The following COL24A1 variants were observed in gnomAD, a reference collection of about 807,000 sequenced individuals.
COL24A1 encodes collagen type XXIV alpha 1 chain, also known as collagen alpha-1(XXIV) chain.
In COL24A1, 224 loss-of-function variants were observed where a neutral mutation model predicts 253.9. The observed-to-expected ratio is 0.88, with a 90% CI of 0.79 to 0.99. The LOEUF is 0.99. Among genes scored for constraint, COL24A1 ranks in the 50% least tolerant of loss-of-function variants. COL24A1 has a pLI of 0.00. For missense variants in COL24A1, 2,131 were observed against 2,068.5 expected (o/e 1.03, Z -0.59); for synonymous variants, 685 against 673.7 (o/e 1.02, Z -0.26).
At chr1:85,962,066 G>A (rs1691132887) in intron 23 of COL24A1, among the ~76,000 whole-genome samples, 1 of 152,098 alleles carries the variant, frequency 6.6e-6, no homozygotes, top group South Asian at 2.1e-4. Flanking sequence ...GGTGTACTCT[G>A]TAAAAGGCAG....
chr1:85,810,056 T>C (rs1468514309), intron 47 of COL24A1, among the ~76,000 whole-genome samples: 1 of 131,446 alleles, frequency 7.6e-6, no homozygotes, highest in Non-Finnish European at 1.6e-5. Context: ...CAGCACTTGT[T>C]TTCCAAGAAC....
chr1:86,111,217 G>C (rs7417512), intron 5 of COL24A1, among the ~76,000 whole-genome samples: 63,964 of 146,166 alleles, frequency 0.44, 16,554 homozygotes, highest in Non-Finnish European at 0.57. Flanking sequence ...CTCGGGGTTT[G>C]TGGATACACC....
intron 7 of COL24A1, among the ~76,000 whole-genome samples, chr1:86,072,280 C>A (rs1436811672): frequency 6.6e-6 from 1 of 152,196 alleles, no homozygotes; most frequent in East Asian, 1.9e-4. Flanking sequence ...TTGCTGCCAG[C>A]ACAGCAGTCT....
At chr1:85,927,547 C>A (rs553615434) in intron 24 of COL24A1, among the ~76,000 whole-genome samples, 2,470 of 126,714 alleles carry the variant, frequency 0.019, 80 homozygotes, top group African/African-American at 0.069. Flanking sequence ...GTAAACAAAG[C>A]AGCCAGGAAG....
At chr1:85,756,599 C>A (rs994610492) in intron 55 of COL24A1, among the ~76,000 whole-genome samples, 1 of 152,166 alleles carries the variant, frequency 6.6e-6, no homozygotes, top group Non-Finnish European at 1.5e-5. Flanking sequence ...AAACTGGAAT[C>A]TTGTGCACTG....
At chr1:86,134,391 C>G (rs1380905704) in intron 2 of COL24A1, among the ~76,000 whole-genome samples, 6 of 151,694 alleles carry the variant, frequency 4.0e-5, no homozygotes, top group African/African-American at 1.5e-4. Flanking sequence ...TTTCTGCTAG[C>G]TTTTGAATGT....
chr1:85,925,195 A>T (rs1207837746), intron 24 of COL24A1, among the ~76,000 whole-genome samples: 1 of 152,214 alleles, frequency 6.6e-6, no homozygotes, highest in Non-Finnish European at 1.5e-5. Context: ...ATGGAAGAAC[A>T]TTCCATGCTC....
intron 43 of COL24A1, among the ~76,000 whole-genome samples, chr1:85,827,940 T>C (rs1674614192): frequency 6.6e-6 from 1 of 152,078 alleles, no homozygotes; most frequent in Admixed American, 6.6e-5. Flanking sequence ...GCTGTGATTT[T>C]AGTTATTTCT....
At chr1:85,969,497 C>T (rs1278731638) in intron 22 of COL24A1, among the ~76,000 whole-genome samples, 22 of 147,116 alleles carry the variant, frequency 1.5e-4, no homozygotes, top group Admixed American at 4.2e-4. Flanking sequence ...TCTAGCTACT[C>T]GGGAGGCTGA....
rs573986631 is a variant in COL24A1 at position 86,091,788 on chromosome 1, T to TA, written c.1653+478dup. On this transcript the variant is annotated intron_variant, in intron 6 of 59. Transcript: ENST00000370571. ...TTTACTGTCCATGTGATAAGTCAGT[T>TA]AAAATCTATGAATTCTGTTTTCTCA... 1.9e-4 allele frequency among the ~76,000 whole-genome samples: 29 copies of TA among 152,256 alleles called. No individual in the cohort carries two copies. The East Asian group carries it at 5.4e-3, about 28-fold the overall frequency.
chr1:85,770,498 G>C (rs1271215720), intron 53 of COL24A1, among the ~76,000 whole-genome samples: 1 of 151,124 alleles, frequency 6.6e-6, no homozygotes, highest in African/African-American at 2.4e-5. Context: ...TAAGTGAGTA[G>C]ATGTTAGCTT....
intron 47 of COL24A1, among the ~76,000 whole-genome samples, chr1:85,815,060 C>T (rs1459416218): frequency 6.6e-6 from 1 of 152,170 alleles, no homozygotes; most frequent in Non-Finnish European, 1.5e-5. Context: ...GGTCCATCCA[C>T]CCCACCTCCA....
At chr1:85,812,198 A>C (rs1672620995) in intron 47 of COL24A1, among the ~76,000 whole-genome samples, 1 of 152,234 alleles carries the variant, frequency 6.6e-6, no homozygotes, top group Non-Finnish European at 1.5e-5. Context: ...CTTAAATCAA[A>C]ATGGCATGTA....
At chr1:86,106,927 T>C (rs564710477) in intron 5 of COL24A1, among the ~76,000 whole-genome samples, 1 of 152,340 alleles carries the variant, frequency 6.6e-6, no homozygotes, top group East Asian at 1.9e-4. Flanking sequence ...TATATTTCTA[T>C]TGTTTAACAA....
chr1:86,097,528 TC>T (rs1557608807), intron 5 of COL24A1, among the ~76,000 whole-genome samples: 8 of 6,028 alleles, frequency 1.3e-3, no homozygotes, highest in South Asian at 7.9e-3. Context: ...TCCTCCCTCC[TC>T]CCTCCTCCTC....
chr1:86,156,523 C>A lies in COL24A1; in HGVS notation c.-127G>T. On this transcript the variant is annotated 5_prime_UTR_variant, in exon 1 of 60. Coordinates refer to ENST00000370571, the MANE Select transcript of COL24A1 (RefSeq NM_152890.7). ...TCACATGAAAACCATGCTTCAAACC[C>A]GCAACAAGAAAAAAAGGAGGGGAGG... The A allele has an allele frequency of 2.5e-6, 2 of 813,948 alleles. No homozygotes were observed. The highest frequency in any genetic ancestry group is 1.8e-6 in the Non-Finnish European group (1 of 559,934). The allele number at this position is 813,948 out of a possible 1,614,324, so 50.4% of individuals were successfully genotyped here.
chr1:85,914,242 T>C (rs902110712), intron 24 of COL24A1, among the ~76,000 whole-genome samples: 1 of 152,060 alleles, frequency 6.6e-6, no homozygotes, highest in African/African-American at 2.4e-5. Context: ...TATGGCCATG[T>C]GACCAGTTAC....
At chr1:86,060,087 C>G (rs1184402434) in intron 8 of COL24A1, among the ~76,000 whole-genome samples, 3 of 152,076 alleles carry the variant, frequency 2.0e-5, no homozygotes, top group African/African-American at 7.2e-5. Context: ...TGATTTAAAA[C>G]AAGGTTTGCT....
At chr1:86,006,953 T>G (rs1431243944) in intron 19 of COL24A1, among the ~76,000 whole-genome samples, 1 of 152,172 alleles carries the variant, frequency 6.6e-6, no homozygotes. Context: ...TGCTCATGAC[T>G]TTAATCCCAG....
Sources: allele counts gnomAD v4.1 joint callset (sites outside exome capture counted in the v4.1 genomes callset), GRCh38; gene constraint gnomAD v4.1.1; transcripts MANE v1.5; gene names NCBI Gene and HGNC (gene_info 2026-07-23, HGNC 2026-07-21).